CAMKK2: variants seen among roughly 807,000 people sequenced by gnomAD.
CAMKK2 encodes calcium/calmodulin-dependent protein kinase kinase 2.
A neutral mutation model predicts 67.2 loss-of-function variants in CAMKK2; 30 were observed. The ratio of observed to expected loss-of-function variants is 0.45; its 90% CI spans 0.33 to 0.61. The LOEUF is 0.61. CAMKK2 is among the 20% of genes least tolerant of loss of function. The pLI is 0.02. For missense variants in CAMKK2, 643 were observed against 802.0 expected, an observed-to-expected ratio of 0.80 and a Z score of 2.39; for synonymous variants, 322 against 326.2, an observed-to-expected ratio of 0.99 and a Z score of 0.14.
chr12:121,287,396 G>A (rs1406246689), intron 1 of CAMKK2, among the ~76,000 whole-genome samples: 3 of 152,108 alleles, frequency 2.0e-5, no homozygotes, highest in East Asian at 1.9e-4. Flanking sequence ...TGCAATCAGC[G>A]CAACAGAGGC....
At position 121,285,564 on chromosome 12, in the gene CAMKK2, T is replaced by C. The variant is rs1013441937; in HGVS notation, c.-59-10979A>G. Reference sequence around the variant, plus strand: ...TGGCTCACGCCTGTGCTCCTAGCACTGTGGAAGTCTGAGGTGGGCAGATCC... The same window carrying C: ...TGGCTCACGCCTGTGCTCCTAGCACCGTGGAAGTCTGAGGTGGGCAGATCC... On this transcript the variant is annotated intron_variant, in intron 1 of 16. Transcript: ENST00000404169. This position sits in a 1 kb window ranked among gnomAD's most constrained non-coding sequence, Gnocchi z 4.1. Among the ~76,000 whole-genome samples the C allele has an allele frequency of 6.6e-6, 1 of 152,026 alleles. No homozygotes were observed. Among genetic ancestry groups the C allele is most frequent in the African/African-American group, 2.4e-5 (1 of 41,400 alleles).
intron 9 of CAMKK2, among the ~76,000 whole-genome samples, chr12:121,254,269 C>T (rs966138013): frequency 2.0e-5 from 3 of 151,994 alleles, no homozygotes; most frequent in African/African-American, 7.3e-5. Flanking sequence ...ACCAGCCTGG[C>T]CAACATAGCG....
rs1901268309 is a variant in CAMKK2, at chr12:121,296,547, G to T, written c.-60+91C>A. ...CCGGGCTTTGTGTGCCATGCCGGCG[G>T]CGGTCCCCCGCCTCGAGAGGGAAAC... On this transcript the variant is annotated intron_variant, in intron 1 of 16. Transcript: ENST00000404169. The surrounding 1 kb of genome is among the most constrained non-coding windows in gnomAD (Gnocchi z 7.1). The T allele has an allele frequency of 6.6e-6, 1 of 151,924 alleles. No homozygotes were observed. Among genetic ancestry groups the T allele is most frequent in the Non-Finnish European group, 1.5e-5 (1 of 67,904 alleles). The allele number at this position is 151,924 out of a possible 1,614,324, so 9.4% of individuals were successfully genotyped here. A position where few individuals can be genotyped will look rare whatever the true frequency, so the allele number is the denominator to read the frequency against.
chr12:121,271,305 T>C (rs1413387100), intron 2 of CAMKK2, among the ~76,000 whole-genome samples: 1 of 144,952 alleles, frequency 6.9e-6, no homozygotes, highest in African/African-American at 2.6e-5. Context: ...TGCAACTAGA[T>C]ACATTTCTCC....
chr12:121,244,207 A>G (rs1390966773), intron 16 of CAMKK2: 1 of 1,506,308 alleles, frequency 6.6e-7, no homozygotes, highest in African/African-American at 1.4e-5. Flanking sequence ...TGCCTGACCT[A>G]TGTGCTGACC....
At chr12:121,268,726 C>T (rs1895136886) in intron 4 of CAMKK2, 37 bp from the exon 5 acceptor site, 4 of 1,607,810 alleles carry the variant, frequency 2.5e-6, no homozygotes, top group Non-Finnish European at 3.4e-6. Context: ...TTAGCCAGGT[C>T]CTGTTTAAAG....
intron 5 of CAMKK2, among the ~76,000 whole-genome samples, chr12:121,267,848 T>C (rs1277878031): frequency 6.6e-6 from 1 of 151,944 alleles, no homozygotes; most frequent in African/African-American, 2.4e-5. Context: ...ATCTGATATC[T>C]ATCAGCATTC....
intron 7 of CAMKK2, among the ~76,000 whole-genome samples, chr12:121,256,546 A>C (rs948223620): frequency 6.6e-6 from 1 of 151,836 alleles, no homozygotes; most frequent in African/African-American, 2.4e-5. Context: ...ATTAGCAGTC[A>C]CTCCCTATTC....
chr12:121,257,824 T>TA (rs1892649479), intron 7 of CAMKK2, among the ~76,000 whole-genome samples: 3 of 152,032 alleles, frequency 2.0e-5, no homozygotes, highest in Non-Finnish European at 4.4e-5. Flanking sequence ...CTGCCTTGGT[T>TA]ATTTAAGTCT....
At chr12:121,281,674 G>C (rs1319828870) in intron 1 of CAMKK2, among the ~76,000 whole-genome samples, 2 of 152,244 alleles carry the variant, frequency 1.3e-5, no homozygotes, top group Non-Finnish European at 2.9e-5. Context: ...AAGGCCGGGT[G>C]CGGTGGCTCA....
At chr12:121,257,218 A>C (rs1184239810) in intron 7 of CAMKK2, among the ~76,000 whole-genome samples, 1 of 151,548 alleles carries the variant, frequency 6.6e-6, no homozygotes, top group African/African-American at 2.4e-5. Context: ...GACTATATCC[A>C]CCTACCATGT....
At position 121,274,153 on chromosome 12, in the gene CAMKK2, G is replaced by A; in HGVS notation, c.374C>T (p.Ser125Phe). 2.8e-5 allele frequency: 44 copies of A among 1,594,076 alleles called. No individual in the cohort carries two copies. The highest frequency in any genetic ancestry group is 3.7e-5 in the Non-Finnish European group (43 of 1,168,680). ...LDMNGRCICP[S>F]LPYSPVSSPQ... ...GGAGCTGACGGGTGAGTAGGGCAGGGACGGGCAGATGCAGCGTCCGTTCAT... is the reference window on the plus strand; with the variant it reads ...GGAGCTGACGGGTGAGTAGGGCAGGAACGGGCAGATGCAGCGTCCGTTCAT... Residue 125 changes from serine to phenylalanine, a missense_variant, in exon 2 of 17, where the codon TCC (serine) becomes TTC (phenylalanine). This residue lies in a region of CAMKK2 where 483 missense variants were observed against 625.8 expected (regional missense o/e 0.77). Transcript: ENST00000404169.
intron 4 of CAMKK2, among the ~76,000 whole-genome samples, chr12:121,268,934 G>A (rs189819449): frequency 2.9e-4 from 44 of 152,166 alleles, no homozygotes; most frequent in Non-Finnish European, 5.1e-4. Flanking sequence ...GCTCACGGTC[G>A]CCTCTCTCAG....
At chr12:121,249,403 G>T (rs1022843846) in intron 13 of CAMKK2, among the ~76,000 whole-genome samples, 2 of 152,208 alleles carry the variant, frequency 1.3e-5, no homozygotes, top group Non-Finnish European at 2.9e-5. Flanking sequence ...TGGGGAGGTC[G>T]AATTGCTCAT....
chr12:121,255,236 T>A (rs11065509), intron 9 of CAMKK2, among the ~76,000 whole-genome samples: 572 of 2,948 alleles, frequency 0.19, 29 homozygotes, highest in Middle Eastern at 0.25. Flanking sequence ...ATATATAATT[T>A]TATATATATA....
rs1159516057 is a variant in CAMKK2, at chr12:121,239,018, A to G, written c.*1681T>C. 2.0e-5 allele frequency: 3 copies of G among 152,494 alleles called. No homozygotes were observed. The highest frequency in any genetic ancestry group is 7.2e-5 in the African/African-American group (3 of 41,458). The allele number at this position is 152,494 out of a possible 1,614,324, so 9.4% of individuals were successfully genotyped here. Reference sequence around the variant, plus strand: ...TTGCTCTTCAAAACCAGCATTCCCTAATTCTGAACTGCTTATAAGATAGCA... The same window carrying G: ...TTGCTCTTCAAAACCAGCATTCCCTGATTCTGAACTGCTTATAAGATAGCA... On this transcript the variant is annotated 3_prime_UTR_variant, in exon 17 of 17. Coordinates refer to ENST00000404169, the MANE Select transcript of CAMKK2 (RefSeq NM_001270485.2).
intron 4 of CAMKK2, 66 bp from the exon 5 acceptor site, chr12:121,268,755 G>A: frequency 6.7e-7 from 1 of 1,496,006 alleles, no homozygotes; most frequent in Non-Finnish European, 9.3e-7. Context: ...AAAAGGGGAA[G>A]GAGGGCGCAG....
At chr12:121,269,674 T>C (rs564945110) in intron 3 of CAMKK2, 93 bp from the exon 4 acceptor site, 11 of 973,394 alleles carry the variant, frequency 1.1e-5, no homozygotes, top group African/African-American at 4.9e-5. Flanking sequence ...CGGCAGCCCA[T>C]TGGTCAAATC....
intron 1 of CAMKK2, among the ~76,000 whole-genome samples, chr12:121,281,189 G>C (rs1288900900): frequency 6.6e-6 from 1 of 152,236 alleles, no homozygotes; most frequent in Non-Finnish European, 1.5e-5. Context: ...TGATTATCGG[G>C]GCAGGTCCCC....
Sources: gnomAD v4.1 joint callset for allele counts (sites outside exome capture counted in the v4.1 genomes callset) on GRCh38, gnomAD v4.1.1 for gene constraint, gnomAD v4.1.1 regional missense constraint, Gnocchi (gnomAD v3.1) non-coding constraint, MANE v1.5 for transcripts, NCBI Gene and HGNC (gene_info 2026-07-23, HGNC 2026-07-21) for gene names.